The following PPM1B variants were observed in gnomAD, a reference collection of about 807,000 sequenced individuals.
PPM1B encodes protein phosphatase 1B.
Under a neutral mutation model 43.0 loss-of-function variants are expected in PPM1B, and 22 were observed. The ratio of observed to expected loss-of-function variants is 0.51; its 90% CI spans 0.37 to 0.73. The LOEUF (loss-of-function observed/expected upper bound fraction) is 0.73, where lower values mean the gene tolerates loss of function less well. Ranked by LOEUF, PPM1B falls within the 30% of genes least tolerant of loss-of-function variation. The pLI, the probability that PPM1B is intolerant of heterozygous loss-of-function variation, is 0.00. For synonymous variants in PPM1B, 217 were observed against 197.9 expected, an observed-to-expected ratio of 1.10 and a Z score of -0.81; for missense variants, 632 against 584.2, an observed-to-expected ratio of 1.08 and a Z score of -0.84.
At chr2:44,232,266 T>G (rs780796994), downstream of PPM1B, 3 of 1,576,910 alleles carry the variant, frequency 1.9e-6, no homozygotes, top group South Asian at 2.4e-5. Context: ...CAATCCAATC[T>G]GGAAGTGGCA....
intron 3 of PPM1B, 68 bp from the exon 4 acceptor site, chr2:44,217,899 T>C (rs1669796122): frequency 4.3e-6 from 4 of 926,760 alleles, no homozygotes; most frequent in Middle Eastern, 2.3e-4. Flanking sequence ...ATAGTATCTC[T>C]TGTTTCACTT....
At chr2:44,239,851 C>T (rs7576992) in intron 5 of PPM1B, among the ~76,000 whole-genome samples, 1 of 151,730 alleles carries the variant, frequency 6.6e-6, no homozygotes, top group East Asian at 1.9e-4. Context: ...ATGTGTGGTC[C>T]ATTTCTAGTT....
chr2:44,231,969 G>A (rs1009561785), downstream of PPM1B, among the ~76,000 whole-genome samples: 1 of 152,120 alleles, frequency 6.6e-6, no homozygotes, highest in African/African-American at 2.4e-5. Flanking sequence ...TTTATATCAT[G>A]TGTCTAAAGT....
chr2:44,205,999 G>C (rs1441485755), intron 2 of PPM1B, among the ~76,000 whole-genome samples: 2 of 152,192 alleles, frequency 1.3e-5, no homozygotes, highest in South Asian at 2.1e-4. Flanking sequence ...CTGGGCGACA[G>C]AGTGAGACTC....
chr2:44,218,285 C>T (rs1669818411), intron 4 of PPM1B, among the ~76,000 whole-genome samples, 195 bp from the exon 5 acceptor site: 2 of 152,108 alleles, frequency 1.3e-5, no homozygotes, highest in South Asian at 4.1e-4. Context: ...TATGAAGGTC[C>T]TTCTTTCCTT....
chr2:44,211,814 A>C (rs1669483287), intron 3 of PPM1B, among the ~76,000 whole-genome samples: 1 of 132,808 alleles, frequency 7.5e-6, no homozygotes, highest in South Asian at 2.3e-4. Flanking sequence ...CAATGGCATG[A>C]TCTTGGCTTA....
At chr2:44,176,794 A>AT (rs1667603192) in intron 1 of PPM1B, among the ~76,000 whole-genome samples, 2 of 152,268 alleles carry the variant, frequency 1.3e-5, no homozygotes, top group South Asian at 4.1e-4. Flanking sequence ...ATCAAGATTG[A>AT]TTTTTTTAAT....
intron 3 of PPM1B, among the ~76,000 whole-genome samples, chr2:44,216,485 A>C (rs1669724727): frequency 6.6e-6 from 1 of 152,238 alleles, no homozygotes; most frequent in Admixed American, 6.5e-5. Flanking sequence ...TCTATGACCC[A>C]ATAAACATCG....
chr2:44,236,402 C>CAAAAAA (rs61414038), downstream of PPM1B, among the ~76,000 whole-genome samples: 37 of 47,528 alleles, frequency 7.8e-4, 6 homozygotes, highest in South Asian at 1.6e-3. Flanking sequence ...GACTCCGTCT[C>CAAAAAA]AAAAAAAAAA....
chr2:44,230,162 GA>G (rs1670406066), intron 5 of PPM1B: 2 of 1,430,902 alleles, frequency 1.4e-6, no homozygotes, highest in Admixed American at 3.2e-5. Context: ...GTAAATTTCA[GA>G]TTAAACTTTA....
chr2:44,229,758 A>C (rs934605163), intron 5 of PPM1B, among the ~76,000 whole-genome samples: 1 of 152,212 alleles, frequency 6.6e-6, no homozygotes, highest in Non-Finnish European at 1.5e-5. Context: ...TCTGTACAGT[A>C]TTAAGTAGTT....
chr2:44,206,046 C>G (rs958901686), intron 2 of PPM1B, among the ~76,000 whole-genome samples: 3 of 152,126 alleles, frequency 2.0e-5, no homozygotes, highest in South Asian at 2.1e-4. Context: ...AAAACTGTAT[C>G]AGATTGTTTT....
chr2:44,216,653 C>T (rs1176353689), intron 3 of PPM1B, among the ~76,000 whole-genome samples: 2 of 152,072 alleles, frequency 1.3e-5, no homozygotes, highest in Non-Finnish European at 2.9e-5. Flanking sequence ...CATAGCTGGG[C>T]GTGGTGGCTC....
At chr2:44,195,746 C>G (rs1558403584) in intron 1 of PPM1B, among the ~76,000 whole-genome samples, 1 of 152,178 alleles carries the variant, frequency 6.6e-6, no homozygotes, top group African/African-American at 2.4e-5. Context: ...GTCTACGTTC[C>G]TTTGTCTTCA....
downstream of PPM1B, among the ~76,000 whole-genome samples, chr2:44,238,369 G>A (rs1670674381): frequency 6.6e-6 from 1 of 151,984 alleles, no homozygotes; most frequent in Admixed American, 6.6e-5. Flanking sequence ...GCTTATAATT[G>A]GTATAGCACT....
At position 44,177,776 on chromosome 2, in the gene PPM1B, C is replaced by A. The variant is rs562461205; in HGVS notation, c.-15+8502C>A. On this transcript the variant is annotated intron_variant, in intron 1 of 5. Coordinates refer to ENST00000282412, the MANE Select transcript of PPM1B (RefSeq NM_002706.6). ...TGTTTTAAGAGGTGTATGTACATGACCATATACAGAATTTTTTTTTTTTTT... is the reference window on the plus strand; with the variant it reads ...TGTTTTAAGAGGTGTATGTACATGAACATATACAGAATTTTTTTTTTTTTT... Among the ~76,000 whole-genome samples the A allele has an allele frequency of 2.6e-5, 4 of 151,804 alleles. No homozygotes were observed. In the South Asian group the frequency reaches 8.3e-4, roughly 32 times the overall value.
chr2:44,187,478 T>G (rs941964826), intron 1 of PPM1B, among the ~76,000 whole-genome samples: 1 of 152,172 alleles, frequency 6.6e-6, no homozygotes, highest in African/African-American at 2.4e-5. Flanking sequence ...ATTTATAATT[T>G]TTTGAAGAAG....
rs760752425 is a variant in PPM1B at position 44,218,026 on chromosome 2, T to C, written c.1024T>C (p.Leu342=). The C allele has an allele frequency of 3.7e-6, 6 of 1,613,260 alleles. No homozygotes were observed. Among genetic ancestry groups the C allele is most frequent in the African/African-American group, 2.7e-5 (2 of 75,004 alleles). The change falls in exon 4 of 6, where the codon TTG becomes CTG. Residue 342 remains leucine, a synonymous_variant. Coordinates refer to ENST00000282412, the MANE Select transcript of PPM1B (RefSeq NM_002706.6). ...TGATCTTGCCCATGTCATGCGCATC[T>C]TGTCTGCAGAAAATATCCCAAATTT... ...MPDLAHVMRI[L]SAENIPNLPP...
At chr2:44,194,209 C>G (rs1668545405) in intron 1 of PPM1B, among the ~76,000 whole-genome samples, 1 of 151,550 alleles carries the variant, frequency 6.6e-6, no homozygotes, top group East Asian at 1.9e-4. Flanking sequence ...ATCTGGTAAT[C>G]TTTGGATAGC....
Sources: allele counts gnomAD v4.1 joint callset (sites outside exome capture counted in the v4.1 genomes callset), GRCh38; gene constraint gnomAD v4.1.1; transcripts MANE v1.5; gene names NCBI Gene and HGNC (gene_info 2026-07-23, HGNC 2026-07-21).